The following KIRREL3 variants were observed in gnomAD, a reference collection of about 807,000 sequenced individuals.
KIRREL3 encodes kin of IRRE-like protein 3.
In KIRREL3, 36 loss-of-function variants were observed where a neutral mutation model predicts 89.7. The observed-to-expected ratio is 0.40, with a 90% CI of 0.31 to 0.53. The LOEUF (loss-of-function observed/expected upper bound fraction) is 0.53. KIRREL3 is among the 20% of genes least tolerant of loss of function. The pLI, the probability that KIRREL3 is intolerant of heterozygous loss-of-function variation, is 0.49. For synonymous variants in KIRREL3, 445 were observed against 441.4 expected, an observed-to-expected ratio of 1.01 and a Z score of -0.10; for missense variants, 864 against 1,056.6, an observed-to-expected ratio of 0.82 and a Z score of 2.53.
rs1200489555 is a variant in KIRREL3 at position 126,710,088 on chromosome 11, T to C, written c.56-147176A>G. The stretch of plus-strand genomic sequence containing the variant: ...CCCTAGGAGACACACATAATGAGTA[T>C]CAAGTCTGGCATTGGAATCCCAATC... On this transcript the variant is annotated intron_variant, in intron 1 of 16. Transcript: ENST00000525144. The surrounding 1 kb of genome is among the most constrained non-coding windows in gnomAD (Gnocchi z 4.2). Among the ~76,000 whole-genome samples, 2 of 152,204 alleles carry C rather than the reference T, an allele frequency of 1.3e-5. No homozygotes were observed. The highest frequency in any genetic ancestry group is 2.9e-5 in the Non-Finnish European group (2 of 68,036).
At position 126,750,638 on chromosome 11, in the gene KIRREL3, CT is replaced by C. The variant is rs1395402404; in HGVS notation, c.56-187727del. 6.6e-6 allele frequency among the ~76,000 whole-genome samples: 1 copy of C among 152,226 alleles called. No homozygotes were observed. Among genetic ancestry groups the C allele is most frequent in the African/African-American group, 2.4e-5 (1 of 41,458 alleles). The stretch of plus-strand genomic sequence containing the variant: ...GAATCAACCTGTGTTGCCAATCATT[CT>C]GCTGTGTGATTTACAAATGCCATCT... On this transcript the variant is annotated intron_variant, in intron 1 of 16. Coordinates refer to ENST00000525144, the MANE Select transcript of KIRREL3 (RefSeq NM_032531.4). This position sits in a 1 kb window ranked among gnomAD's most constrained non-coding sequence, Gnocchi z 4.2.
At position 126,769,786 on chromosome 11, in the gene KIRREL3, G is replaced by A. The variant is rs1055933596; in HGVS notation, c.56-206874C>T. On this transcript the variant is annotated intron_variant, in intron 1 of 16. Coordinates refer to ENST00000525144, the MANE Select transcript of KIRREL3 (RefSeq NM_032531.4). The surrounding 1 kb of genome is among the most constrained non-coding windows in gnomAD (Gnocchi z 4.3). ...AGCTGGGGTTCTGGAATCAGACGAC[G>A]CAGATATGGGTCTGAATATTGGCCC... Among the ~76,000 whole-genome samples the A allele has an allele frequency of 3.9e-5, 6 of 152,132 alleles. No individual in the cohort carries two copies. Among genetic ancestry groups the A allele is most frequent in the Admixed American group, 6.5e-5 (1 of 15,268 alleles).
At position 126,606,492 on chromosome 11, in the gene KIRREL3, AG is replaced by A. The variant is rs543120554; in HGVS notation, c.56-43581del. 9.9e-4 allele frequency among the ~76,000 whole-genome samples: 151 copies of A among 152,316 alleles called. No individual in the cohort carries two copies. Among genetic ancestry groups the A allele is most frequent in the African/African-American group, 3.2e-3 (135 of 41,578 alleles). ...AGAATTATTAAGTTGTCGATTTCAC[AG>A]GGCCATGGGGGAGGGAAGTCCGGGC... On this transcript the variant is annotated intron_variant, in intron 1 of 16. Coordinates refer to ENST00000525144, the MANE Select transcript of KIRREL3 (RefSeq NM_032531.4). This position sits in a 1 kb window ranked among gnomAD's most constrained non-coding sequence, Gnocchi z 4.6.
At chr11:126,499,672 T>C (rs1377568626) in intron 4 of KIRREL3, among the ~76,000 whole-genome samples, 2 of 152,256 alleles carry the variant, frequency 1.3e-5, no homozygotes, top group African/African-American at 2.4e-5. Context: ...TCTATCTTTC[T>C]GTGCCTTTGA....
chr11:126,994,175 T>C lies in KIRREL3; in HGVS notation c.55+6280A>G, dbSNP rs1344377648. Among the ~76,000 whole-genome samples the C allele has an allele frequency of 6.6e-6, 1 of 152,080 alleles. No homozygotes were observed. Among genetic ancestry groups the C allele is most frequent in the African/African-American group, 2.4e-5 (1 of 41,378 alleles). On this transcript the variant is annotated intron_variant, in intron 1 of 16. Coordinates refer to ENST00000525144, the MANE Select transcript of KIRREL3 (RefSeq NM_032531.4). This position sits in a 1 kb window ranked among gnomAD's most constrained non-coding sequence, Gnocchi z 5.2. ...GCTGATTCTGGAGATATCACACTGA[T>C]TTAACATTAAGTGGTGTGTGCGTGT...
rs1439120996 is a variant in KIRREL3 at position 126,819,140 on chromosome 11, G to A, written c.55+181315C>T. On this transcript the variant is annotated intron_variant, in intron 1 of 16. Coordinates refer to ENST00000525144, the MANE Select transcript of KIRREL3 (RefSeq NM_032531.4). ...TGAAGAGGGTAGAGATGCAAGACTT[G>A]TAGATATGACATCAGAGGGTGGCAA... Among the ~76,000 whole-genome samples, 9 of 152,044 alleles carry A rather than the reference G, an allele frequency of 5.9e-5. 1 individual carries two copies. Among genetic ancestry groups the A allele is most frequent in the Admixed American group, 2.6e-4 (4 of 15,278 alleles).
Position 126,489,493 on chromosome 11 carries a change from C to T in KIRREL3, c.434-16027G>A, listed in dbSNP as rs533136757. Among the ~76,000 whole-genome samples the T allele has an allele frequency of 1.2e-4, 18 of 152,276 alleles. No individual in the cohort carries two copies. The South Asian group carries it at 3.5e-3, about 30-fold the overall frequency. On this transcript the variant is annotated intron_variant, in intron 4 of 16. Transcript: ENST00000525144. The surrounding 1 kb of genome is among the most constrained non-coding windows in gnomAD (Gnocchi z 5.5). ...AGTGTCAACTATGTTCCAAAAGCTT[C>T]CTGATGGCCCTATTGTTACTCCATC...
At chr11:126,514,549 T>C (rs1163767298) in intron 4 of KIRREL3, among the ~76,000 whole-genome samples, 1 of 152,190 alleles carries the variant, frequency 6.6e-6, no homozygotes, top group Non-Finnish European at 1.5e-5. Context: ...AAAACAGTTA[T>C]AATACTAGCA....
rs1273364785 is a variant in KIRREL3 at position 126,601,215 on chromosome 11, A to G, written c.56-38303T>C. 6.6e-6 allele frequency among the ~76,000 whole-genome samples: 1 copy of G among 152,182 alleles called. No individual in the cohort carries two copies. Among genetic ancestry groups the G allele is most frequent in the Admixed American group, 6.5e-5 (1 of 15,284 alleles). On this transcript the variant is annotated intron_variant, in intron 1 of 16. Transcript: ENST00000525144. This position sits in a 1 kb window ranked among gnomAD's most constrained non-coding sequence, Gnocchi z 5.8. The stretch of plus-strand genomic sequence containing the variant: ...ATGTCTCTTCATGCTCTTGTTGACA[A>G]TAATAACTGATTGCTGCATCAATGT...
chr11:126,665,226 G>A (rs972817488), intron 1 of KIRREL3, among the ~76,000 whole-genome samples: 1 of 152,166 alleles, frequency 6.6e-6, no homozygotes, highest in Non-Finnish European at 1.5e-5. Flanking sequence ...GTCTGGGAAT[G>A]GTGTCTGCAG....
At chr11:126,592,949 T>G (rs183525518) in intron 1 of KIRREL3, among the ~76,000 whole-genome samples, 19 of 152,020 alleles carry the variant, frequency 1.2e-4, no homozygotes, top group Admixed American at 7.2e-4. Context: ...GTGAGGGGGC[T>G]AGGAGCTGGC....
At chr11:126,822,671 C>T (rs1943267328) in intron 1 of KIRREL3, among the ~76,000 whole-genome samples, 1 of 152,158 alleles carries the variant, frequency 6.6e-6, no homozygotes. Flanking sequence ...AGTGGCTCTT[C>T]TGCTCCATGT....
intron 1 of KIRREL3, among the ~76,000 whole-genome samples, chr11:126,670,742 T>A (rs774708580): frequency 1.8e-4 from 28 of 152,200 alleles, no homozygotes; most frequent in Admixed American, 1.3e-4. Context: ...TACAAATTTG[T>A]GTCTTTAACG....
Position 126,508,337 on chromosome 11 carries a change from A to G in KIRREL3, c.433+12978T>C, listed in dbSNP as rs1236675300. Among the ~76,000 whole-genome samples the G allele has an allele frequency of 1.3e-5, 2 of 152,160 alleles. No homozygotes were observed. The highest frequency in any genetic ancestry group is 2.9e-5 in the Non-Finnish European group (2 of 68,030). On this transcript the variant is annotated intron_variant, in intron 4 of 16. Coordinates refer to ENST00000525144, the MANE Select transcript of KIRREL3 (RefSeq NM_032531.4). This position sits in a 1 kb window ranked among gnomAD's most constrained non-coding sequence, Gnocchi z 4.9. ...GAAAAACCTCCTTCACACGGACAGA[A>G]CAATTTAGAGGCTCAGAGTGATGGA...
At chr11:126,937,639 G>C (rs1040864709) in intron 1 of KIRREL3, among the ~76,000 whole-genome samples, 5 of 152,218 alleles carry the variant, frequency 3.3e-5, no homozygotes, top group Admixed American at 2.6e-4. Context: ...GGTGGCTCAT[G>C]CCTGTAATCC....
intron 1 of KIRREL3, among the ~76,000 whole-genome samples, chr11:126,899,054 A>G (rs768755966): frequency 7.2e-5 from 11 of 151,978 alleles, no homozygotes; most frequent in Non-Finnish European, 1.6e-4. Context: ...ACTATAGGTA[A>G]TAAAGGTTAA....
chr11:126,848,945 A>T (rs994619100), intron 1 of KIRREL3, among the ~76,000 whole-genome samples: 1 of 152,200 alleles, frequency 6.6e-6, no homozygotes, highest in African/African-American at 2.4e-5. Flanking sequence ...TAGGATTAAG[A>T]GTTCTCTTAT....
rs1947623652 is a variant in KIRREL3 at position 126,708,393 on chromosome 11, G to A, written c.56-145481C>T. On this transcript the variant is annotated intron_variant, in intron 1 of 16. Coordinates refer to ENST00000525144, the MANE Select transcript of KIRREL3 (RefSeq NM_032531.4). This position sits in a 1 kb window ranked among gnomAD's most constrained non-coding sequence, Gnocchi z 5.7. ...AGGAATTCTATTTGTTTTTCTCTTG[G>A]AAAATGGGGAAGTACATCTGTAATT... is the stretch of plus-strand genomic sequence containing the variant. Among the ~76,000 whole-genome samples, 1 of 152,144 alleles carries A rather than the reference G, an allele frequency of 6.6e-6. No homozygotes were observed. The highest frequency in any genetic ancestry group is 2.1e-4 in the South Asian group (1 of 4,812).
chr11:126,435,767 T>TG (rs886499787), intron 12 of KIRREL3, among the ~76,000 whole-genome samples: 11 of 152,116 alleles, frequency 7.2e-5, no homozygotes, highest in Non-Finnish European at 2.9e-5. Context: ...CACTGAGGCC[T>TG]GGGGGCCCAG....
Sources: allele counts gnomAD v4.1 joint callset (sites outside exome capture counted in the v4.1 genomes callset), GRCh38; gene constraint gnomAD v4.1.1; non-coding constraint Gnocchi (gnomAD v3.1); transcripts MANE v1.5; gene names NCBI Gene and HGNC (gene_info 2026-07-23, HGNC 2026-07-21).